SAMMSON: variants seen among roughly 807,000 people sequenced by gnomAD.
SAMMSON encodes survival associated mitochondrial melanoma specific oncogenic non-coding RNA.
chr3:70,377,184 G>C (rs138902778), intron 9 of SAMMSON, among the ~76,000 whole-genome samples: 122 of 152,220 alleles, frequency 8.0e-4, no homozygotes, highest in African/African-American at 2.8e-3. Context: ...GGAAGAATAA[G>C]TGTCCAAAAT....
chr3:70,323,859 A>G (rs766797866), intron 7 of SAMMSON, among the ~76,000 whole-genome samples: 2 of 152,030 alleles, frequency 1.3e-5, no homozygotes, highest in South Asian at 4.1e-4. Context: ...GAGATAAGCT[A>G]TCTTCAGGAT....
At chr3:70,088,336 TACTA>T (rs1392618868) in intron 4 of SAMMSON, among the ~76,000 whole-genome samples, 12 of 152,196 alleles carry the variant, frequency 7.9e-5, no homozygotes, top group Non-Finnish European at 1.5e-4. Flanking sequence ...AGGTTAGTCG[TACTA>T]ACTAAGTCAT....
At chr3:70,241,650 G>T (rs1326350272) in intron 4 of SAMMSON, among the ~76,000 whole-genome samples, 1 of 152,142 alleles carries the variant, frequency 6.6e-6, no homozygotes, top group African/African-American at 2.4e-5. Context: ...TCAGAAAGTG[G>T]TGGAAGCAAA....
At chr3:70,248,847 T>A (rs1175019533) in intron 4 of SAMMSON, among the ~76,000 whole-genome samples, 1 of 152,122 alleles carries the variant, frequency 6.6e-6, no homozygotes, top group Admixed American at 6.6e-5. Flanking sequence ...GTGGCCTACA[T>A]GACTCAATTG....
intron 4 of SAMMSON, among the ~76,000 whole-genome samples, chr3:70,214,735 G>A (rs1701388029): frequency 6.6e-6 from 1 of 151,774 alleles, no homozygotes; most frequent in African/African-American, 2.4e-5. Flanking sequence ...AGCTGGTAAC[G>A]AGGAACAATT....
intron 3 of SAMMSON, among the ~76,000 whole-genome samples, chr3:70,017,625 A>G (rs1330515248): frequency 1.3e-5 from 2 of 152,108 alleles, no homozygotes; most frequent in African/African-American, 4.8e-5. Flanking sequence ...ACTATGTTGA[A>G]TAGGAGTGGT....
intron 7 of SAMMSON, among the ~76,000 whole-genome samples, chr3:70,330,473 T>C (rs1299200194): frequency 6.6e-6 from 1 of 152,050 alleles, no homozygotes; most frequent in Non-Finnish European, 1.5e-5. Context: ...AATACAGTTT[T>C]AGGTTTCCTG....
At chr3:70,098,051 A>C (rs2067329118) in intron 4 of SAMMSON, among the ~76,000 whole-genome samples, 1 of 152,198 alleles carries the variant, frequency 6.6e-6, no homozygotes, top group African/African-American at 2.4e-5. Flanking sequence ...CTTTTGAATT[A>C]GAATTAAGTC....
chr3:70,139,664 C>T (rs752296132), intron 4 of SAMMSON, among the ~76,000 whole-genome samples: 64 of 152,270 alleles, frequency 4.2e-4, no homozygotes, highest in Non-Finnish European at 7.4e-4. Flanking sequence ...AAGCCCATGA[C>T]GTGATGTGCT....
intron 2 of SAMMSON, among the ~76,000 whole-genome samples, chr3:70,411,947 A>G (rs1284840975): frequency 1.3e-5 from 2 of 152,202 alleles, no homozygotes; most frequent in Non-Finnish European, 2.9e-5. Flanking sequence ...TTTAATAATG[A>G]TGAAAAATGT....
chr3:70,168,068 C>G (rs557142970), intron 4 of SAMMSON, among the ~76,000 whole-genome samples: 10 of 151,908 alleles, frequency 6.6e-5, no homozygotes, highest in African/African-American at 2.4e-4. Context: ...AAGACGTCTC[C>G]GTGAAAGACT....
At chr3:70,126,357 T>C (rs994167038) in intron 4 of SAMMSON, 2 of 1,136,924 alleles carry the variant, frequency 1.8e-6, no homozygotes, top group Non-Finnish European at 2.6e-6. Flanking sequence ...AAGTTTCAGC[T>C]GATGGAGTCT....
chr3:70,021,340 A>G (rs1214984418), intron 3 of SAMMSON, among the ~76,000 whole-genome samples: 3 of 152,200 alleles, frequency 2.0e-5, no homozygotes, highest in Admixed American at 6.5e-5. Context: ...AGAAGCCAGT[A>G]TATGGCCTCT....
chr3:70,320,949 G>A (rs1205888393), intron 7 of SAMMSON, among the ~76,000 whole-genome samples: 4 of 152,080 alleles, frequency 2.6e-5, no homozygotes, highest in Non-Finnish European at 5.9e-5. Context: ...CTTCAGAGTT[G>A]TTGGGGAGGG....
intron 9 of SAMMSON, among the ~76,000 whole-genome samples, chr3:70,377,071 A>G (rs1703023539): frequency 6.6e-6 from 1 of 152,160 alleles, no homozygotes; most frequent in Non-Finnish European, 1.5e-5. Flanking sequence ...ATCACTCAAA[A>G]CAATAGAAAT....
At chr3:70,190,026 A>G (rs1701119516) in intron 4 of SAMMSON, among the ~76,000 whole-genome samples, 1 of 152,194 alleles carries the variant, frequency 6.6e-6, no homozygotes, top group Non-Finnish European at 1.5e-5. Flanking sequence ...TGTGCAGAGC[A>G]GCAGAAGGCT....
At chr3:70,364,959 C>T (rs542419790) in intron 9 of SAMMSON, among the ~76,000 whole-genome samples, 20 of 151,836 alleles carry the variant, frequency 1.3e-4, no homozygotes, top group African/African-American at 2.4e-4. Context: ...CCATTTATAA[C>T]GCACTCAGAT....
intron 7 of SAMMSON, among the ~76,000 whole-genome samples, chr3:70,312,996 C>G (rs1197453631): frequency 6.6e-6 from 1 of 152,176 alleles, no homozygotes; most frequent in Non-Finnish European, 1.5e-5. Flanking sequence ...TAAAGCTACA[C>G]TCTGGAAATT....
intron 7 of SAMMSON, among the ~76,000 whole-genome samples, chr3:70,353,275 A>G (rs573019323): frequency 1.3e-4 from 20 of 152,192 alleles, no homozygotes; most frequent in African/African-American, 4.6e-4. Flanking sequence ...TTTTCTCATA[A>G]AAGAATAAAA....
Sources: gnomAD v4.1 joint callset for allele counts (sites outside exome capture counted in the v4.1 genomes callset) on GRCh38, gnomAD v4.1.1 for gene constraint, MANE v1.5 for transcripts, NCBI Gene and HGNC (gene_info 2026-07-23, HGNC 2026-07-21) for gene names.